Variants in POFUT3 observed in about 807,000 individuals in gnomAD.
POFUT3 encodes the protein GDP-fucose protein O-fucosyltransferase 3.
the POFUT3 span, chr8:33,452,305 A>T: frequency 6.6e-6 from 1 of 152,188 alleles, no homozygotes; most frequent in South Asian, 2.1e-4. Context: ...TCAAAGTTAC[A>T]TGCTCACAGC....
the POFUT3 span, among the ~76,000 whole-genome samples, chr8:33,459,641 CAAA>C: frequency 2.4e-3 from 263 of 108,332 alleles, 1 homozygote; most frequent in African/African-American, 8.8e-3. Context: ...GAAACTGTCT[CAAA>C]AAAAAAAAAA....
At chr8:33,341,434 C>CAAAAAA in the POFUT3 span, among the ~76,000 whole-genome samples, 6 of 52,272 alleles carry the variant, frequency 1.1e-4, no homozygotes, top group East Asian at 5.6e-4. Context: ...GACTCCATCT[C>CAAAAAA]AAAAAAAAAA....
chr8:33,447,225 G>T, the POFUT3 span, among the ~76,000 whole-genome samples: 1 of 152,096 alleles, frequency 6.6e-6, no homozygotes, highest in Admixed American at 6.6e-5. Flanking sequence ...CGAGGTGGGA[G>T]GATCACGAGG....
At chr8:33,319,558 T>TA in the POFUT3 span, among the ~76,000 whole-genome samples, 1 of 312 alleles carries the variant, frequency 3.2e-3, no homozygotes, top group African/African-American at 0.019. Flanking sequence ...AATATATATA[T>TA]TTTATATGTA....
At chr8:33,389,588 C>T in the POFUT3 span, 64 of 1,614,024 alleles carry the variant, frequency 4.0e-5, no homozygotes, top group Non-Finnish European at 3.9e-5. Context: ...AACTAGGTAT[C>T]GGAGTGACTT....
chr8:33,360,302 C>A, the POFUT3 span, among the ~76,000 whole-genome samples: 8 of 151,774 alleles, frequency 5.3e-5, no homozygotes, highest in South Asian at 1.7e-3. Flanking sequence ...AATAATTAGC[C>A]GGGCGTGGTG....
chr8:33,441,633 G>C, the POFUT3 span, among the ~76,000 whole-genome samples: 1 of 151,698 alleles, frequency 6.6e-6, no homozygotes, highest in Non-Finnish European at 1.5e-5. Flanking sequence ...TGCCCTCCTC[G>C]GCCTCCCAAA....
chr8:33,410,514 T>C, the POFUT3 span, among the ~76,000 whole-genome samples: 1 of 152,060 alleles, frequency 6.6e-6, no homozygotes, highest in Admixed American at 6.6e-5. Context: ...GCTCAACCCT[T>C]AAACAGCCCA....
At chr8:33,375,217 TTGCA>T in the POFUT3 span, among the ~76,000 whole-genome samples, 1 of 152,002 alleles carries the variant, frequency 6.6e-6, no homozygotes, top group Non-Finnish European at 1.5e-5. Flanking sequence ...TCACACATTC[TTGCA>T]TGTACCTCTT....
the POFUT3 span, among the ~76,000 whole-genome samples, chr8:33,334,237 A>G: frequency 6.6e-6 from 1 of 151,634 alleles, no homozygotes; most frequent in East Asian, 1.9e-4. Context: ...TTTTTTTTTA[A>G]GACAGAGTCT....
At chr8:33,380,859 C>A in the POFUT3 span, among the ~76,000 whole-genome samples, 1 of 145,478 alleles carries the variant, frequency 6.9e-6, no homozygotes, top group Non-Finnish European at 1.5e-5. Flanking sequence ...AAATGCCAGG[C>A]ACTGTGGCTC....
the POFUT3 span, among the ~76,000 whole-genome samples, chr8:33,342,034 G>T: frequency 0.016 from 2,372 of 152,142 alleles, 25 homozygotes; most frequent in Middle Eastern, 0.024. Flanking sequence ...TACAAAATTA[G>T]CCAGGCATGG....
chr8:33,370,989 A>G, the POFUT3 span: 7 of 152,326 alleles, frequency 4.6e-5, no homozygotes, highest in Admixed American at 1.3e-4. Context: ...CCCTTGAATA[A>G]CATACAGCAG....
At chr8:33,368,573 T>C in the POFUT3 span, among the ~76,000 whole-genome samples, 2 of 152,160 alleles carry the variant, frequency 1.3e-5, no homozygotes, top group Admixed American at 6.6e-5. Flanking sequence ...CTTCAGTTGA[T>C]CTTCAGTATG....
the POFUT3 span, among the ~76,000 whole-genome samples, chr8:33,459,831 T>A: frequency 6.6e-6 from 1 of 151,414 alleles, no homozygotes; most frequent in Admixed American, 6.6e-5. Flanking sequence ...AGCCAAGGTG[T>A]GCAGACTGCT....
chr8:33,336,499 C>G, the POFUT3 span, among the ~76,000 whole-genome samples: 6 of 152,224 alleles, frequency 3.9e-5, no homozygotes, highest in Admixed American at 2.6e-4. Flanking sequence ...AACCAGCTCG[C>G]ACATCTTTTA....
At chr8:33,386,493 G>A in the POFUT3 span, among the ~76,000 whole-genome samples, 2 of 152,106 alleles carry the variant, frequency 1.3e-5, no homozygotes, top group Admixed American at 1.3e-4. Context: ...AGAACTGCAG[G>A]AATGATCTCC....
chr8:33,318,820 T>A, the POFUT3 span, among the ~76,000 whole-genome samples: 8 of 51,890 alleles, frequency 1.5e-4, 2 homozygotes, highest in Middle Eastern at 0.025. Context: ...ATATTATATA[T>A]ATATATTTTA....
At chr8:33,374,161 G>A in the POFUT3 span, among the ~76,000 whole-genome samples, 3 of 152,158 alleles carry the variant, frequency 2.0e-5, no homozygotes, top group Non-Finnish European at 2.9e-5. Context: ...CTGCACATGT[G>A]AGGAATCCAG....
Sources: allele counts gnomAD v4.1 joint callset (sites outside exome capture counted in the v4.1 genomes callset), GRCh38; gene constraint gnomAD v4.1.1; transcripts MANE v1.5; gene names NCBI Gene and HGNC (gene_info 2026-07-23, HGNC 2026-07-21).